The following EMID1 variants were observed in gnomAD, a reference collection of about 807,000 sequenced individuals.
EMID1 encodes the protein EMI domain containing 1, also known as EMI domain-containing protein 1.
A neutral mutation model predicts 60.6 loss-of-function variants in EMID1; 40 were observed. The ratio of observed to expected loss-of-function variants is 0.66; its 90% CI spans 0.51 to 0.86. The LOEUF (loss-of-function observed/expected upper bound fraction) is 0.86, where lower values mean the gene tolerates loss of function less well. Ranked by LOEUF, EMID1 falls within the 40% of genes least tolerant of loss-of-function variation. The probability of loss-of-function intolerance (pLI) is 0.00; values close to 1 mark genes in which losing one functional copy is unlikely to be tolerated. For missense variants in EMID1, 585 were observed against 597.1 expected (o/e 0.98, Z 0.21); for synonymous variants, 242 against 231.0 (o/e 1.05, Z -0.43).
At chr22:29,254,440 CTTCCCTCAATGACTGG>C in intron 14 of EMID1, 153 bp downstream of exon 14, 1 of 706,364 alleles carries the variant, frequency 1.4e-6, no homozygotes, top group Non-Finnish European at 2.4e-6. Flanking sequence ...CACAACCACC[CTTCCCTCAATGACTGG>C]TTCCCTCCTC....
chr22:29,254,122 T>C, intron 13 of EMID1, 81 bp from the exon 14 acceptor site: 1 of 1,601,898 alleles, frequency 6.2e-7, no homozygotes. Flanking sequence ...ATGTCCCGGG[T>C]GGGGCATGGG....
intron 3 of EMID1, among the ~76,000 whole-genome samples, chr22:29,224,465 G>A (rs1315532111): frequency 6.6e-6 from 1 of 152,144 alleles, no homozygotes; most frequent in Non-Finnish European, 1.5e-5. Flanking sequence ...GGGAGGGTGA[G>A]GGGGGTTCTC....
At chr22:29,216,770 C>A in intron 3 of EMID1, 1 of 636,988 alleles carries the variant, frequency 1.6e-6, no homozygotes, top group Non-Finnish European at 2.0e-6. Flanking sequence ...GGGTTCAGAA[C>A]TCACCACGCA....
chr22:29,220,667 A>G (rs753349092), intron 3 of EMID1, among the ~76,000 whole-genome samples: 20 of 151,972 alleles, frequency 1.3e-4, no homozygotes, highest in Non-Finnish European at 2.8e-4. Context: ...CACACCCCGA[A>G]TCCCCAACTT....
At position 29,223,090 on chromosome 22, in the gene EMID1, CA is replaced by C. The variant is rs909338772; in HGVS notation, c.320-2033del. On this transcript the variant is annotated intron_variant, in intron 3 of 14. Transcript: ENST00000334018. ...TGGGTGACAGAGCGAGACTCCGTCT[CA>C]AAAAAAAAAGAAGTTTTATACATGA... 8.3e-4 allele frequency among the ~76,000 whole-genome samples: 122 copies of C among 147,320 alleles called. 1 individual carries two copies. Among genetic ancestry groups the C allele is most frequent in the Admixed American group, 2.4e-3 (36 of 14,774 alleles).
At chr22:29,248,690 A>C (rs2041417081) in intron 13 of EMID1, among the ~76,000 whole-genome samples, 1 of 152,110 alleles carries the variant, frequency 6.6e-6, no homozygotes, top group Admixed American at 6.5e-5. Flanking sequence ...CAAATAAAAA[A>C]ATTAGCTGGG....
At chr22:29,237,064 G>C (rs2040977012) in intron 12 of EMID1, among the ~76,000 whole-genome samples, 2 of 151,960 alleles carry the variant, frequency 1.3e-5, no homozygotes, top group African/African-American at 4.8e-5. Context: ...CAAAGTGCTG[G>C]AATTACGGGT....
chr22:29,226,370 C>A, intron 4 of EMID1, 120 bp from the exon 5 acceptor site: 3 of 1,108,478 alleles, frequency 2.7e-6, no homozygotes, highest in Non-Finnish European at 2.6e-6. Flanking sequence ...TAAGGTCCCT[C>A]GTGGGTTGGG....
chr22:29,253,270 C>A (rs1439581775), intron 13 of EMID1, among the ~76,000 whole-genome samples: 3 of 152,124 alleles, frequency 2.0e-5, no homozygotes, highest in Admixed American at 6.5e-5. Context: ...CATAGCAAGA[C>A]CCTTGTCTCT....
intron 13 of EMID1, among the ~76,000 whole-genome samples, chr22:29,252,278 C>T (rs932510896): frequency 6.6e-6 from 1 of 152,250 alleles, no homozygotes; most frequent in African/African-American, 2.4e-5. Context: ...GGGTCAGCCC[C>T]AGCGAGCAGG....
chr22:29,242,313 C>T (rs886425504), intron 12 of EMID1, among the ~76,000 whole-genome samples: 3 of 152,196 alleles, frequency 2.0e-5, no homozygotes, highest in Non-Finnish European at 1.5e-5. Flanking sequence ...TTAATTTCAT[C>T]TGATAATTTT....
chr22:29,231,452 C>A (rs751294901), intron 6 of EMID1, 141 bp from the exon 7 acceptor site: 42 of 946,026 alleles, frequency 4.4e-5, no homozygotes, highest in Non-Finnish European at 7.0e-5. Context: ...ACCCCCCCCA[C>A]CCCAGGGCTG....
At chr22:29,215,120 G>A in intron 2 of EMID1, 81 bp downstream of exon 2, 1 of 1,450,744 alleles carries the variant, frequency 6.9e-7, no homozygotes, top group Non-Finnish European at 9.2e-7. Context: ...GGACTGCATG[G>A]GGAGTGTGGG....
chr22:29,250,907 A>T (rs564632706), intron 13 of EMID1, among the ~76,000 whole-genome samples: 1 of 140,068 alleles, frequency 7.1e-6, no homozygotes, highest in South Asian at 2.3e-4. Context: ...GAATTTTTTA[A>T]GATCATCTTT....
chr22:29,256,583 C>T (rs966225142), intron 14 of EMID1, among the ~76,000 whole-genome samples: 6 of 151,998 alleles, frequency 3.9e-5, no homozygotes, highest in Non-Finnish European at 8.8e-5. Context: ...GAAAGCCAGA[C>T]CTGTTGGGCA....
chr22:29,237,100 T>TACAGGCATGAGCCACCACGCCCAGG (rs1555887015), intron 12 of EMID1, among the ~76,000 whole-genome samples: 2 of 146,534 alleles, frequency 1.4e-5, no homozygotes, highest in East Asian at 2.0e-4. Context: ...CAGCTACTAT[T>TACAGGCATGAGCCACCACGCCCAGG]TTCTATTTGT....
rs1351223565 is a variant in EMID1 at position 29,240,860 on chromosome 22, G to A, written c.1075-2585G>A. Among the ~76,000 whole-genome samples the A allele has an allele frequency of 2.6e-5, 4 of 152,134 alleles. 1 individual carries two copies. Among genetic ancestry groups the A allele is most frequent in the Non-Finnish European group, 5.9e-5 (4 of 68,028 alleles). On this transcript the variant is annotated intron_variant, in intron 12 of 14. Coordinates refer to ENST00000334018, the MANE Select transcript of EMID1 (RefSeq NM_133455.4). ...TCAAACTGTCTTTTCTCATTCCTTT[G>A]ACTCTGTCAGACTTTGTCGCCCCCA...
chr22:29,230,883 G>C (rs868555811), intron 5 of EMID1, 137 bp from the exon 6 acceptor site: 2 of 1,107,800 alleles, frequency 1.8e-6, no homozygotes, highest in African/African-American at 3.2e-5. Flanking sequence ...TTAAGCCCGG[G>C]TGGTTGAGGC....
At chr22:29,210,170 GC>G (rs2039827063) in intron 1 of EMID1, among the ~76,000 whole-genome samples, 1 of 152,020 alleles carries the variant, frequency 6.6e-6, no homozygotes, top group Non-Finnish European at 1.5e-5. Context: ...TGGCTAGCCG[GC>G]CACCAGCTCC....
Sources: gnomAD v4.1 joint callset for allele counts (sites outside exome capture counted in the v4.1 genomes callset) on GRCh38, gnomAD v4.1.1 for gene constraint, MANE v1.5 for transcripts, NCBI Gene and HGNC (gene_info 2026-07-23, HGNC 2026-07-21) for gene names.